Variants in MYO9A observed in about 807,000 individuals in gnomAD.
MYO9A encodes the protein unconventional myosin-IXa.
In MYO9A, 103 loss-of-function variants were observed where a neutral mutation model predicts 293.3. The ratio of observed to expected loss-of-function variants is 0.35; its 90% confidence interval spans 0.30 to 0.41. The LOEUF (loss-of-function observed/expected upper bound fraction) is 0.41. MYO9A is among the 10% of genes least tolerant of loss of function. MYO9A has a pLI of 1.00. For missense variants in MYO9A, 2,685 were observed against 3,033.0 expected (o/e 0.89, Z 2.69); for synonymous variants, 1,001 against 1,035.7 (o/e 0.97, Z 0.64).
chr15:72,062,617 G>C (rs951095159), intron 1 of MYO9A, among the ~76,000 whole-genome samples: 2 of 152,188 alleles, frequency 1.3e-5, no homozygotes, highest in Admixed American at 6.5e-5. Context: ...AACAATTAAT[G>C]AGCTTGAAGA....
At chr15:71,833,172 A>G (rs1202623062) in intron 39 of MYO9A, among the ~76,000 whole-genome samples, 3 of 151,944 alleles carry the variant, frequency 2.0e-5, no homozygotes, top group African/African-American at 4.8e-5. Flanking sequence ...ATATAAATAG[A>G]TGAAATGCTC....
At chr15:71,904,859 T>C in intron 20 of MYO9A, 67 bp downstream of exon 20, 1 of 1,181,690 alleles carries the variant, frequency 8.5e-7, no homozygotes, top group Admixed American at 2.0e-5. Context: ...TTATTCTGCT[T>C]AAAAGTATTT....
intron 28 of MYO9A, among the ~76,000 whole-genome samples, chr15:71,883,374 T>C (rs1388379533): frequency 6.6e-6 from 1 of 152,204 alleles, no homozygotes; most frequent in Non-Finnish European, 1.5e-5. Context: ...TTTGAGGTGG[T>C]TGCTGCTTCA....
chr15:71,966,891 G>A (rs183135273), intron 13 of MYO9A, among the ~76,000 whole-genome samples: 244 of 152,114 alleles, frequency 1.6e-3, no homozygotes, highest in South Asian at 3.1e-3. Context: ...ACTCAACTTG[G>A]CTTACAAGCC....
At chr15:71,954,759 A>AT (rs917501180) in intron 14 of MYO9A, among the ~76,000 whole-genome samples, 9 of 152,098 alleles carry the variant, frequency 5.9e-5, no homozygotes, top group Non-Finnish European at 1.0e-4. Context: ...ATTTTCAATA[A>AT]TTTTTTTAGT....
intron 2 of MYO9A, among the ~76,000 whole-genome samples, chr15:72,036,122 G>A (rs1479059250): frequency 1.3e-5 from 2 of 151,986 alleles, no homozygotes; most frequent in African/African-American, 4.8e-5. Context: ...AAGCTAACCT[G>A]CACTAAAAGA....
At chr15:72,086,229 G>A (rs915070375) in intron 1 of MYO9A, among the ~76,000 whole-genome samples, 8 of 152,312 alleles carry the variant, frequency 5.3e-5, no homozygotes, top group Non-Finnish European at 7.4e-5. Flanking sequence ...CAGGCAGCAT[G>A]GCTTAAGCGG....
chr15:71,995,173 CT>C (rs1311058287), intron 9 of MYO9A, among the ~76,000 whole-genome samples: 1 of 152,118 alleles, frequency 6.6e-6, no homozygotes, highest in Non-Finnish European at 1.5e-5. Context: ...TATATTCCCC[CT>C]AGGAAAGAAG....
chr15:71,991,949 T>A (rs1436444614), intron 10 of MYO9A, among the ~76,000 whole-genome samples: 5 of 152,214 alleles, frequency 3.3e-5, no homozygotes, highest in Non-Finnish European at 7.3e-5. Flanking sequence ...AGAGACTGGT[T>A]TCACCACGTT....
At chr15:71,839,669 C>T (rs1437774509) in intron 39 of MYO9A, among the ~76,000 whole-genome samples, 2 of 152,140 alleles carry the variant, frequency 1.3e-5, no homozygotes, top group African/African-American at 4.8e-5. Flanking sequence ...CTTGGCCTTC[C>T]AAAGTGCTGG....
chr15:72,050,867 AG>A (rs1291815762), intron 1 of MYO9A, among the ~76,000 whole-genome samples: 1 of 152,154 alleles, frequency 6.6e-6, no homozygotes, highest in African/African-American at 2.4e-5. Context: ...GGTAATCCAA[AG>A]GTCTTTCCTC....
chr15:71,888,850 G>A (rs2057095068), intron 26 of MYO9A, among the ~76,000 whole-genome samples: 1 of 152,144 alleles, frequency 6.6e-6, no homozygotes, highest in African/African-American at 2.4e-5. Context: ...TTAACAGAAA[G>A]AGGAAATACC....
At chr15:71,889,281 T>C (rs548442714) in intron 26 of MYO9A, among the ~76,000 whole-genome samples, 3 of 152,150 alleles carry the variant, frequency 2.0e-5, no homozygotes, top group Non-Finnish European at 4.4e-5. Flanking sequence ...TTAAAGGTAA[T>C]TGAGCCCATC....
chr15:72,075,022 T>C (rs901375912), intron 1 of MYO9A, among the ~76,000 whole-genome samples: 21 of 130,700 alleles, frequency 1.6e-4, no homozygotes, highest in Non-Finnish European at 2.9e-4. Context: ...TGGAGTGCAA[T>C]GGCACGATCT....
chr15:72,067,892 T>A (rs2079067965), intron 1 of MYO9A, among the ~76,000 whole-genome samples: 1 of 152,112 alleles, frequency 6.6e-6, no homozygotes, highest in African/African-American at 2.4e-5. Context: ...TAAAAAAAAA[T>A]TCATATTGTT....
At chr15:71,920,065 G>T (rs1440041304) in intron 18 of MYO9A, among the ~76,000 whole-genome samples, 1 of 151,952 alleles carries the variant, frequency 6.6e-6, no homozygotes, top group African/African-American at 2.4e-5. Context: ...CATGCATAAG[G>T]TTTATGAAAA....
At chr15:71,875,860 T>C (rs919648951) in intron 31 of MYO9A, 22 bp from the exon 32 acceptor site, 4 of 1,309,524 alleles carry the variant, frequency 3.1e-6, no homozygotes, top group South Asian at 2.3e-5. Flanking sequence ...ACAGGAGATA[T>C]ATGGAAATTG....
intron 39 of MYO9A, among the ~76,000 whole-genome samples, chr15:71,845,061 G>A (rs1394470181): frequency 1.3e-5 from 2 of 152,162 alleles, no homozygotes; most frequent in African/African-American, 2.4e-5. Flanking sequence ...AGGGCAAGAC[G>A]GAAGATCACT....
chr15:72,050,714 G>C (rs2078534446), intron 1 of MYO9A, among the ~76,000 whole-genome samples: 1 of 152,184 alleles, frequency 6.6e-6, no homozygotes, highest in Non-Finnish European at 1.5e-5. Context: ...AGGTAATTCT[G>C]TTATTGCTGG....
Sources: gnomAD v4.1 joint callset for allele counts (sites outside exome capture counted in the v4.1 genomes callset) on GRCh38, gnomAD v4.1.1 for gene constraint, MANE v1.5 for transcripts, NCBI Gene and HGNC (gene_info 2026-07-23, HGNC 2026-07-21) for gene names.